The following GALNTL6 variants were observed in gnomAD, a reference collection of about 807,000 sequenced individuals.
GALNTL6 encodes the protein polypeptide N-acetylgalactosaminyltransferase-like 6.
A neutral mutation model predicts 73.7 loss-of-function variants in GALNTL6; 46 were observed. The ratio of observed to expected loss-of-function variants is 0.62; its 90% CI spans 0.49 to 0.80. GALNTL6 has a LOEUF of 0.80. GALNTL6 is among the 30% of genes least tolerant of loss of function. The probability of loss-of-function intolerance (pLI) is 0.00; values close to 1 mark genes in which losing one functional copy is unlikely to be tolerated. For missense variants in GALNTL6, 604 were observed against 755.0 expected, an observed-to-expected ratio of 0.80 and a Z score of 2.34; for synonymous variants, 259 against 263.7, an observed-to-expected ratio of 0.98 and a Z score of 0.17.
chr4:172,752,329 TAAA>T (rs1032219076), intron 5 of GALNTL6, among the ~76,000 whole-genome samples: 5 of 152,088 alleles, frequency 3.3e-5, no homozygotes, highest in Non-Finnish European at 7.4e-5. Flanking sequence ...TAAAATGTGT[TAAA>T]AATATTCAGC....
intron 2 of GALNTL6, among the ~76,000 whole-genome samples, chr4:171,977,259 A>G (rs1165780224): frequency 2.6e-5 from 4 of 152,230 alleles, no homozygotes; most frequent in Non-Finnish European, 5.9e-5. Context: ...AGAACAGTTA[A>G]TGATGTCACC....
chr4:172,311,839 A>T lies in GALNTL6; in HGVS notation c.386+87A>T, dbSNP rs992604870. ...TTTTTTAAATGTGTATCACTGCGAG[A>T]TATGTAACCAAATATTTTATCCTAA... is the stretch of plus-strand genomic sequence containing the variant. On this transcript the variant is annotated intron_variant, in intron 4 of 12. Coordinates refer to ENST00000506823, the MANE Select transcript of GALNTL6 (RefSeq NM_001034845.3). The T allele has an allele frequency of 6.1e-6, 5 of 820,524 alleles. No homozygotes were observed. In the African/African-American group the frequency reaches 7.0e-5, roughly 11 times the overall value. The allele number at this position is 820,524 out of a possible 1,614,324, so 50.8% of individuals were successfully genotyped here. A position where few individuals can be genotyped will look rare whatever the true frequency, so the allele number is the denominator to read the frequency against.
Position 171,865,027 on chromosome 4 carries a change from T to G in GALNTL6, c.138+50309T>G, listed in dbSNP as rs569536063. ...CGGGCATGGTGGTGTGCACCTCTAA[T>G]CCCAGCTACTCAGAAGACTGAGGCA... On this transcript the variant is annotated intron_variant, in intron 2 of 12. Coordinates refer to ENST00000506823, the MANE Select transcript of GALNTL6 (RefSeq NM_001034845.3). 2.6e-5 allele frequency among the ~76,000 whole-genome samples: 4 copies of G among 152,006 alleles called. No individual in the cohort carries two copies. The South Asian group carries it at 8.3e-4, about 32-fold the overall frequency.
rs566166563 is a variant in GALNTL6, at chr4:172,512,190, G to A, written c.553+163501G>A. On this transcript the variant is annotated intron_variant, in intron 5 of 12. Transcript: ENST00000506823. ...ACTAGATCTTTTATCATTATATAACGTCATCCTTTATCTTTTTTTTACTGT... is the reference window on the plus strand; with the variant it reads ...ACTAGATCTTTTATCATTATATAACATCATCCTTTATCTTTTTTTTACTGT... 1.6e-4 allele frequency among the ~76,000 whole-genome samples: 9 copies of A among 54,966 alleles called. 4 individuals carry two copies. Among genetic ancestry groups the A allele is most frequent in the African/African-American group, 4.1e-4 (9 of 22,120 alleles). 36.1% of individuals were successfully genotyped at this position (54,966 alleles called of 152,430 possible). A position where few individuals can be genotyped will look rare whatever the true frequency, so the allele number is the denominator to read the frequency against.
chr4:172,731,532 T>C (rs1274927759), intron 5 of GALNTL6, among the ~76,000 whole-genome samples: 1 of 152,120 alleles, frequency 6.6e-6, no homozygotes, highest in Admixed American at 6.5e-5. Flanking sequence ...CATTTTTTAG[T>C]CTTAATTTCA....
chr4:172,951,618 T>C (rs1293853197), intron 9 of GALNTL6, among the ~76,000 whole-genome samples: 1 of 152,278 alleles, frequency 6.6e-6, no homozygotes. Flanking sequence ...CCTCATTCTT[T>C]CCAAGATTCT....
chr4:172,723,413 T>C (rs536996254), intron 5 of GALNTL6, among the ~76,000 whole-genome samples: 42 of 152,296 alleles, frequency 2.8e-4, no homozygotes, highest in African/African-American at 9.9e-4. Flanking sequence ...CTCATGGGTT[T>C]CCATTTCCTC....
chr4:172,628,714 T>C (rs1739267458), intron 5 of GALNTL6, among the ~76,000 whole-genome samples: 1 of 152,144 alleles, frequency 6.6e-6, no homozygotes, highest in Admixed American at 6.6e-5. Context: ...TCACAATTGA[T>C]ATTGTTCTTT....
At chr4:172,450,615 T>C (rs1732175559) in intron 5 of GALNTL6, among the ~76,000 whole-genome samples, 1 of 152,256 alleles carries the variant, frequency 6.6e-6, no homozygotes, top group Non-Finnish European at 1.5e-5. Context: ...GATGAAATGA[T>C]TGGCCATTGC....
At chr4:172,531,746 AC>A (rs1299276130) in intron 5 of GALNTL6, among the ~76,000 whole-genome samples, 1 of 152,172 alleles carries the variant, frequency 6.6e-6, no homozygotes, top group African/African-American at 2.4e-5. Flanking sequence ...TGGGGCGTGC[AC>A]ACTCTACTCC....
chr4:171,871,555 C>G (rs1736138376), intron 2 of GALNTL6, among the ~76,000 whole-genome samples: 1 of 152,088 alleles, frequency 6.6e-6, no homozygotes, highest in Admixed American at 6.6e-5. Context: ...TTCAGCATGA[C>G]ATTAGTTATA....
intron 5 of GALNTL6, among the ~76,000 whole-genome samples, chr4:172,805,165 G>A (rs112528792): frequency 2.6e-5 from 4 of 152,226 alleles, no homozygotes; most frequent in East Asian, 3.9e-4. Flanking sequence ...CCAAAGTCAC[G>A]CAGCCAGTCA....
At chr4:171,815,131 T>C (rs903730072) in intron 2 of GALNTL6, 2 of 239,708 alleles carry the variant, frequency 8.3e-6, no homozygotes, top group African/African-American at 4.5e-5. Flanking sequence ...AACTAAATCA[T>C]TAAGATTGTG....
intron 5 of GALNTL6, among the ~76,000 whole-genome samples, chr4:172,564,757 C>T (rs1236997709): frequency 4.6e-5 from 7 of 152,170 alleles, no homozygotes; most frequent in African/African-American, 1.7e-4. Flanking sequence ...TCTAGTGGGT[C>T]CTCTTGAGGA....
At chr4:171,900,779 C>T (rs901113142) in intron 2 of GALNTL6, among the ~76,000 whole-genome samples, 4 of 151,640 alleles carry the variant, frequency 2.6e-5, no homozygotes. Context: ...TTTGAAATTA[C>T]AAAAAACATA....
At chr4:172,648,771 A>G (rs969431984) in intron 5 of GALNTL6, among the ~76,000 whole-genome samples, 1 of 152,148 alleles carries the variant, frequency 6.6e-6, no homozygotes, top group African/African-American at 2.4e-5. Context: ...TGATATTTGC[A>G]TTCTAGGCCT....
At chr4:172,735,310 A>T (rs942580650) in intron 5 of GALNTL6, among the ~76,000 whole-genome samples, 3 of 152,308 alleles carry the variant, frequency 2.0e-5, no homozygotes, top group Admixed American at 6.5e-5. Context: ...CATGGACTCA[A>T]AGGAGATTAT....
At chr4:172,153,405 G>C (rs898846328) in intron 2 of GALNTL6, among the ~76,000 whole-genome samples, 15 of 152,118 alleles carry the variant, frequency 9.9e-5, no homozygotes, top group African/African-American at 3.6e-4. Flanking sequence ...AAGTATTAGG[G>C]ATTTTAATTT....
At chr4:172,151,686 A>G (rs959320471) in intron 2 of GALNTL6, among the ~76,000 whole-genome samples, 1 of 152,208 alleles carries the variant, frequency 6.6e-6, no homozygotes, top group Non-Finnish European at 1.5e-5. Flanking sequence ...AAACGTGAAC[A>G]TGCCTAGGAA....
Sources: allele counts gnomAD v4.1 joint callset (sites outside exome capture counted in the v4.1 genomes callset), GRCh38; gene constraint gnomAD v4.1.1; transcripts MANE v1.5; gene names NCBI Gene and HGNC (gene_info 2026-07-23, HGNC 2026-07-21).